The following ZNF292 variants were observed in gnomAD, a reference collection of about 807,000 sequenced individuals.
ZNF292 encodes 16 zinc-finger domain protein.
Under a neutral mutation model 217.9 loss-of-function variants are expected in ZNF292, and 26 were observed. That is an observed-to-expected ratio of 0.12 (90% CI 0.09 to 0.17). The LOEUF (loss-of-function observed/expected upper bound fraction) is 0.17. Among genes scored for constraint, ZNF292 ranks in the 10% least tolerant of loss-of-function variants. ZNF292 has a pLI of 1.00. For missense variants in ZNF292, 2,904 were observed against 3,175.2 expected, an observed-to-expected ratio of 0.91 and a Z score of 2.05; for synonymous variants, 1,257 against 1,124.1, an observed-to-expected ratio of 1.12 and a Z score of -2.37.
At chr6:87,160,487 ATATATGTGTG>A (rs1384480048) in intron 1 of ZNF292, among the ~76,000 whole-genome samples, 2 of 77,868 alleles carry the variant, frequency 2.6e-5, no homozygotes, top group African/African-American at 7.6e-5. Context: ...GTGTTTGTAT[ATATATGTGTG>A]TGTGTGTGTG....
At chr6:87,177,655 T>C (rs1482850150) in intron 1 of ZNF292, among the ~76,000 whole-genome samples, 2 of 152,214 alleles carry the variant, frequency 1.3e-5, no homozygotes, top group East Asian at 3.8e-4. Context: ...CTATGTGATG[T>C]TGAAGAATTC....
chr6:87,252,949 C>T (rs1310488237), intron 7 of ZNF292, among the ~76,000 whole-genome samples: 3 of 151,846 alleles, frequency 2.0e-5, no homozygotes, highest in African/African-American at 7.3e-5. Context: ...GCTCTGTTGC[C>T]CAGGCTGGAG....
intron 1 of ZNF292, among the ~76,000 whole-genome samples, chr6:87,215,413 A>C (rs1178140015): frequency 6.6e-6 from 1 of 152,186 alleles, no homozygotes; most frequent in African/African-American, 2.4e-5. Flanking sequence ...CTTGTCAAAA[A>C]ATTATTAATT....
chr6:87,261,440 T>C lies in ZNF292; in HGVS notation c.7811T>C (p.Val2604Ala), dbSNP rs751447930. 1.2e-6 allele frequency: 2 copies of C among 1,607,628 alleles called. No homozygotes were observed. Among genetic ancestry groups the C allele is most frequent in the Non-Finnish European group, 1.7e-6 (2 of 1,176,726 alleles). The change falls in exon 8 of 8, where the codon GTG becomes GCG. Residue 2604 changes from valine (V) to alanine (A), a missense_variant. Transcript: ENST00000369577. Reference sequence around the variant, plus strand: ...CTGAAGTTTCTTGAGGAGTCTGCAGTGAAGCAGAAGAAAAATACTGACAAA... The same window carrying C: ...CTGAAGTTTCTTGAGGAGTCTGCAGCGAAGCAGAAGAAAAATACTGACAAA... ...SFLKFLEESA[V>A]KQKKNTDKDH...
chr6:87,175,544 G>T (rs1771259182), intron 1 of ZNF292, among the ~76,000 whole-genome samples: 1 of 152,070 alleles, frequency 6.6e-6, no homozygotes, highest in Admixed American at 6.5e-5. Context: ...TCACTATGTT[G>T]CCCAGGCTGG....
At position 87,225,962 on chromosome 6, in the gene ZNF292, A is replaced by G. The variant is rs545561977; in HGVS notation, c.538+7231A>G. On this transcript the variant is annotated intron_variant, in intron 4 of 7. Coordinates refer to ENST00000369577, the MANE Select transcript of ZNF292 (RefSeq NM_015021.3). ...CATCTTGGGTTTTACTTTTATTAAC[A>G]TTTTGCATAGGTTGTTAGTACCAGG... Among the ~76,000 whole-genome samples, 11 of 152,098 alleles carry G rather than the reference A, an allele frequency of 7.2e-5. No individual in the cohort carries two copies. In the South Asian group the frequency reaches 1.5e-3, roughly 20 times the overall value.
At chr6:87,215,832 A>C in intron 1 of ZNF292, 71 bp from the exon 2 acceptor site, 1 of 1,284,640 alleles carries the variant, frequency 7.8e-7, no homozygotes, top group Non-Finnish European at 1.0e-6. Context: ...TTTTCAGGAA[A>C]AAACAGCTGA....
chr6:87,242,217 A>C (rs1774327788), intron 5 of ZNF292, among the ~76,000 whole-genome samples: 2 of 152,208 alleles, frequency 1.3e-5, no homozygotes, highest in South Asian at 4.1e-4. Context: ...AGGCAGAGAG[A>C]GGAGTAGTGG....
In ZNF292 at chr6:87,261,151, T is replaced by C. The variant is rs763673766; in HGVS notation, c.7522T>C (p.Ser2508Pro). 1 of 1,613,066 alleles carries C rather than the reference T, an allele frequency of 6.2e-7. No individual in the cohort carries two copies. Among genetic ancestry groups the C allele is most frequent in the Admixed American group, 1.7e-5 (1 of 59,864 alleles). Residue 2508 changes from serine to proline, a missense_variant, in exon 8 of 8, where the codon TCA becomes CCA. By Grantham distance (74) the Ser-to-Pro change is moderately conservative. This residue lies in a region of ZNF292 where 380 missense variants were observed against 355.3 expected (regional missense o/e 1.07). Coordinates refer to ENST00000369577, the MANE Select transcript of ZNF292 (RefSeq NM_015021.3). Reference protein sequence around the residue: ...TSVETQANTSSNVSNDFQEDN... With the variant: ...TSVETQANTSPNVSNDFQEDN... ...TGTAGAGACCCAAGCTAATACTTCTTCAAATGTAAGTAATGATTTTCAGGA... is the reference window on the plus strand; with the variant it reads ...TGTAGAGACCCAAGCTAATACTTCTCCAAATGTAAGTAATGATTTTCAGGA...
intron 4 of ZNF292, among the ~76,000 whole-genome samples, chr6:87,219,556 A>G (rs1273403705): frequency 1.3e-5 from 2 of 152,134 alleles, no homozygotes; most frequent in Non-Finnish European, 2.9e-5. Flanking sequence ...TGTTAAGTCT[A>G]TTGCTTGTGA....
intron 4 of ZNF292, among the ~76,000 whole-genome samples, chr6:87,229,600 A>G (rs1466294546): frequency 6.6e-6 from 1 of 151,526 alleles, no homozygotes; most frequent in Non-Finnish European, 1.5e-5. Context: ...CTAATTTTGT[A>G]TTTTTAGTAG....
chr6:87,238,640 T>TTTTA (rs1774023491), intron 5 of ZNF292, among the ~76,000 whole-genome samples: 1 of 33,362 alleles, frequency 3.0e-5, no homozygotes, highest in Non-Finnish European at 5.5e-5. Flanking sequence ...TAAGTATTTA[T>TTTTA]TTTTTTTATT....
At chr6:87,156,706 C>CT (rs1770552294) in intron 1 of ZNF292, among the ~76,000 whole-genome samples, 1 of 152,220 alleles carries the variant, frequency 6.6e-6, no homozygotes, top group African/African-American at 2.4e-5. Flanking sequence ...CCCAAGGGCA[C>CT]TGCTCACCAG....
intron 1 of ZNF292, among the ~76,000 whole-genome samples, chr6:87,171,657 G>C (rs1771103041): frequency 6.6e-6 from 1 of 152,054 alleles, no homozygotes; most frequent in Non-Finnish European, 1.5e-5. Flanking sequence ...CATAAAAATT[G>C]ACATAGTTTA....
At chr6:87,191,732 G>T (rs1057492897) in intron 1 of ZNF292, among the ~76,000 whole-genome samples, 1 of 152,144 alleles carries the variant, frequency 6.6e-6, no homozygotes, top group African/African-American at 2.4e-5. Context: ...AGTGGTGCAA[G>T]CTCGACTCAC....
Position 87,264,997 on chromosome 6 carries a change from A to G in ZNF292, c.*3196A>G, listed in dbSNP as rs1035286797. ...GATAATAAAAAGTAATGTCTAAGGCAGCCTGTTTCAGCATGTTTATTGTAG... is the reference window on the plus strand; with the variant it reads ...GATAATAAAAAGTAATGTCTAAGGCGGCCTGTTTCAGCATGTTTATTGTAG... On this transcript the variant is annotated 3_prime_UTR_variant, in exon 8 of 8. Transcript: ENST00000369577. Among the ~76,000 whole-genome samples, 1 of 152,200 alleles carries G rather than the reference A, an allele frequency of 6.6e-6. No homozygotes were observed. The highest frequency in any genetic ancestry group is 2.4e-5 in the African/African-American group (1 of 41,452).
At chr6:87,190,126 A>G (rs1771783693) in intron 1 of ZNF292, among the ~76,000 whole-genome samples, 1 of 152,164 alleles carries the variant, frequency 6.6e-6, no homozygotes, top group Non-Finnish European at 1.5e-5. Context: ...ATATGTGTGT[A>G]TTAGAGGGAT....
At chr6:87,184,470 C>CTTTTT (rs35294887) in intron 1 of ZNF292, among the ~76,000 whole-genome samples, 71 of 115,084 alleles carry the variant, frequency 6.2e-4, no homozygotes, top group African/African-American at 1.6e-3. Flanking sequence ...TTACCATAGG[C>CTTTTT]TTTTTTTTTT....
chr6:87,233,434 T>A lies in ZNF292; in HGVS notation c.648T>A (p.Ser216=). ...SQATALAKLC[S]DHPEIGIKGS... ...CAACTGCTCTAGCAAAGCTGTGTTCTGACCATCCAGAGATTGGCATAAAAG... is the reference window on the plus strand; with the variant it reads ...CAACTGCTCTAGCAAAGCTGTGTTCAGACCATCCAGAGATTGGCATAAAAG... The change falls in exon 5 of 8, where the codon TCT becomes TCA. Residue 216 remains serine (S), a synonymous_variant. Coordinates refer to ENST00000369577, the MANE Select transcript of ZNF292 (RefSeq NM_015021.3). 6.2e-7 allele frequency: 1 copy of A among 1,613,674 alleles called. No individual in the cohort carries two copies. Among genetic ancestry groups the A allele is most frequent in the Non-Finnish European group, 8.5e-7 (1 of 1,179,706 alleles).
Sources: gnomAD v4.1 joint callset for allele counts (sites outside exome capture counted in the v4.1 genomes callset) on GRCh38, gnomAD v4.1.1 for gene constraint, gnomAD v4.1.1 regional missense constraint, MANE v1.5 for transcripts, NCBI Gene and HGNC (gene_info 2026-07-23, HGNC 2026-07-21) for gene names.